Variants in ROBO1 observed in about 807,000 individuals in gnomAD.
ROBO1 encodes the protein roundabout homolog 1.
In ROBO1, 149 loss-of-function variants were observed where a neutral mutation model predicts 195.9. That is an observed-to-expected ratio of 0.76 (90% CI 0.67 to 0.87). ROBO1 has a LOEUF of 0.87. Ranked by LOEUF, ROBO1 falls within the 40% of genes least tolerant of loss-of-function variation. The pLI is 0.00. For synonymous variants in ROBO1, 816 were observed against 733.2 expected, an observed-to-expected ratio of 1.11 and a Z score of -1.82; for missense variants, 1,933 against 2,068.3, an observed-to-expected ratio of 0.93 and a Z score of 1.27.
chr3:78,852,200 G>A (rs2034110959), intron 4 of ROBO1, among the ~76,000 whole-genome samples: 1 of 151,950 alleles, frequency 6.6e-6, no homozygotes, highest in South Asian at 2.1e-4. Flanking sequence ...TAGGATTATA[G>A]GATATTTATA....
At chr3:78,671,301 T>C (rs1177159487) in intron 10 of ROBO1, among the ~76,000 whole-genome samples, 1 of 152,140 alleles carries the variant, frequency 6.6e-6, no homozygotes, top group Non-Finnish European at 1.5e-5. Flanking sequence ...CTCTATAGTT[T>C]TTTTTTAATG....
chr3:79,057,798 C>T (rs866369469), intron 3 of ROBO1, among the ~76,000 whole-genome samples: 2 of 150,778 alleles, frequency 1.3e-5, no homozygotes, highest in Non-Finnish European at 3.0e-5. Flanking sequence ...TTCGACCTCT[C>T]ACCTGGCTGG....
chr3:79,042,700 G>A (rs1365831242), intron 3 of ROBO1, among the ~76,000 whole-genome samples: 1 of 152,070 alleles, frequency 6.6e-6, no homozygotes, highest in Non-Finnish European at 1.5e-5. Flanking sequence ...ATGTGTCATA[G>A]ACTCTTTAGG....
At chr3:78,917,653 T>G (rs2038691750) in intron 4 of ROBO1, among the ~76,000 whole-genome samples, 1 of 152,092 alleles carries the variant, frequency 6.6e-6, no homozygotes, top group African/African-American at 2.4e-5. Context: ...AAAACTGCAG[T>G]GTCAAGAAGT....
chr3:78,683,315 T>G (rs1278573368), intron 10 of ROBO1, among the ~76,000 whole-genome samples: 4 of 152,136 alleles, frequency 2.6e-5, no homozygotes, highest in Non-Finnish European at 4.4e-5. Context: ...ATTAAGATGT[T>G]AATTCTTAAG....
chr3:78,636,841 A>C (rs1705530809), intron 22 of ROBO1, among the ~76,000 whole-genome samples: 1 of 149,966 alleles, frequency 6.7e-6, no homozygotes, highest in Non-Finnish European at 1.5e-5. Flanking sequence ...TAATACTTAA[A>C]TATCTAATAT....
At chr3:78,910,946 C>A (rs2107534501) in intron 4 of ROBO1, among the ~76,000 whole-genome samples, 1 of 152,056 alleles carries the variant, frequency 6.6e-6, no homozygotes, top group Non-Finnish European at 1.5e-5. Flanking sequence ...ATCAGAAGAT[C>A]TGGGAGTGAG....
intron 3 of ROBO1, among the ~76,000 whole-genome samples, chr3:78,952,096 T>C (rs757227370): frequency 6.6e-6 from 1 of 151,600 alleles, no homozygotes; most frequent in Non-Finnish European, 1.5e-5. Flanking sequence ...AAAAACAGTA[T>C]TTATTTTATT....
At chr3:79,738,162 T>C (rs892947141) in intron 1 of ROBO1, among the ~76,000 whole-genome samples, 8 of 152,118 alleles carry the variant, frequency 5.3e-5, no homozygotes, top group African/African-American at 1.9e-4. Context: ...AATGGGGTGG[T>C]TCTTCTTTCA....
chr3:79,226,220 G>A (rs1236321632), intron 2 of ROBO1, among the ~76,000 whole-genome samples: 7 of 151,864 alleles, frequency 4.6e-5, no homozygotes, highest in South Asian at 2.1e-4. Context: ...TCACATCTGC[G>A]TGGCAAAGAT....
At chr3:79,284,650 A>G (rs1027947378) in intron 2 of ROBO1, among the ~76,000 whole-genome samples, 1 of 152,204 alleles carries the variant, frequency 6.6e-6, no homozygotes, top group Admixed American at 6.5e-5. Flanking sequence ...AATGGTAATC[A>G]AGTTTTGAAA....
chr3:78,598,843 T>C lies in ROBO1; in HGVS notation c.*70A>G, dbSNP rs1162861796. 2.0e-6 allele frequency: 2 copies of C among 984,942 alleles called. No individual in the cohort carries two copies. Among genetic ancestry groups the C allele is most frequent in the African/African-American group, 3.3e-5 (2 of 61,066 alleles). 61.0% of individuals were successfully genotyped at this position (984,942 alleles called of 1,614,324 possible). On this transcript the variant is annotated 3_prime_UTR_variant, in exon 31 of 31. Transcript: ENST00000464233. ...GCACTGAACATTTTATCTGGCGTCATGTGTCATCTGACAGGAGGCATCTTG... is the reference window on the plus strand; with the variant it reads ...GCACTGAACATTTTATCTGGCGTCACGTGTCATCTGACAGGAGGCATCTTG...
At chr3:79,543,490 A>G (rs1191219558) in intron 2 of ROBO1, among the ~76,000 whole-genome samples, 1 of 152,074 alleles carries the variant, frequency 6.6e-6, no homozygotes, top group Non-Finnish European at 1.5e-5. Context: ...AGCCCAGTGG[A>G]AAGAAAGCAC....
intron 2 of ROBO1, among the ~76,000 whole-genome samples, chr3:79,222,960 T>C (rs1290879933): frequency 2.6e-5 from 4 of 152,212 alleles, no homozygotes; most frequent in Non-Finnish European, 5.9e-5. Context: ...CACAGCTATC[T>C]GTCCGCAGAC....
intron 2 of ROBO1, among the ~76,000 whole-genome samples, chr3:79,274,457 A>G (rs2030848807): frequency 6.6e-6 from 1 of 152,006 alleles, no homozygotes; most frequent in Non-Finnish European, 1.5e-5. Flanking sequence ...AACAAATGAT[A>G]ATGGAAACAC....
At chr3:79,313,485 T>G (rs1044709604) in intron 2 of ROBO1, among the ~76,000 whole-genome samples, 2 of 152,196 alleles carry the variant, frequency 1.3e-5, no homozygotes, top group African/African-American at 4.8e-5. Flanking sequence ...CTTCAATGCT[T>G]TTAGAAGCTC....
chr3:79,193,087 T>C (rs776842914), intron 2 of ROBO1, among the ~76,000 whole-genome samples: 2 of 151,576 alleles, frequency 1.3e-5, no homozygotes, highest in African/African-American at 4.8e-5. Context: ...TTTACAGAAA[T>C]AGGAAAGACT....
intron 10 of ROBO1, among the ~76,000 whole-genome samples, chr3:78,682,313 T>C (rs1382778194): frequency 6.6e-6 from 1 of 151,514 alleles, no homozygotes; most frequent in African/African-American, 2.4e-5. Context: ...AAAAAAGACA[T>C]AAATATTGAA....
At chr3:79,715,236 C>G (rs544955927) in intron 1 of ROBO1, among the ~76,000 whole-genome samples, 79 of 152,174 alleles carry the variant, frequency 5.2e-4, no homozygotes, top group African/African-American at 1.8e-3. Context: ...GAGGATTGAA[C>G]TCAATTTTAA....
Sources: gnomAD v4.1 joint callset for allele counts (sites outside exome capture counted in the v4.1 genomes callset) on GRCh38, gnomAD v4.1.1 for gene constraint, MANE v1.5 for transcripts, NCBI Gene and HGNC (gene_info 2026-07-23, HGNC 2026-07-21) for gene names.